PHIP: variants seen among roughly 807,000 people sequenced by gnomAD.
PHIP encodes the protein PHIP subunit of CUL4-Ring ligase complex.
PHIP carries 54 observed loss-of-function variants against 236.8 expected under a neutral mutation model. The ratio of observed to expected loss-of-function variants is 0.23; its 90% CI spans 0.18 to 0.29. The LOEUF is 0.29. PHIP is among the 10% of genes least tolerant of loss of function. PHIP has a pLI of 1.00. For missense variants in PHIP, 1,370 were observed against 2,190.8 expected, an observed-to-expected ratio of 0.63 and a Z score of 7.48; for synonymous variants, 756 against 718.9, an observed-to-expected ratio of 1.05 and a Z score of -0.83.
At chr6:78,991,032 C>A in intron 19 of PHIP, 47 bp from the exon 20 acceptor site, 1 of 1,140,960 alleles carries the variant, frequency 8.8e-7, no homozygotes, top group South Asian at 1.3e-5. Flanking sequence ...TTACACATAA[C>A]TTTCCTCCAA....
chr6:79,074,755 G>A (rs2127782335), intron 4 of PHIP, among the ~76,000 whole-genome samples: 1 of 152,136 alleles, frequency 6.6e-6, no homozygotes, highest in South Asian at 2.1e-4. Flanking sequence ...ATTTTAACCT[G>A]CAAACTTTTA....
intron 39 of PHIP, among the ~76,000 whole-genome samples, chr6:78,943,406 A>G (rs146671906): frequency 1.3e-5 from 2 of 152,310 alleles, no homozygotes; most frequent in African/African-American, 4.8e-5. Flanking sequence ...TTCATCATAT[A>G]TATTTGATTT....
intron 35 of PHIP, among the ~76,000 whole-genome samples, chr6:78,948,094 G>GA (rs1289789998): frequency 6.6e-6 from 1 of 151,994 alleles, no homozygotes; most frequent in Non-Finnish European, 1.5e-5. Context: ...CTCTACAACC[G>GA]AAAGTTTGAA....
At chr6:79,011,128 C>T (rs1464296571) in intron 15 of PHIP, among the ~76,000 whole-genome samples, 1 of 151,790 alleles carries the variant, frequency 6.6e-6, no homozygotes, top group Non-Finnish European at 1.5e-5. Context: ...CTGATGTTTA[C>T]CTCCTGCCAA....
intron 13 of PHIP, among the ~76,000 whole-genome samples, chr6:79,016,174 C>G (rs1369151095): frequency 6.6e-6 from 1 of 151,956 alleles, no homozygotes. Context: ...ATATTAAAAC[C>G]AAAATAACAG....
intron 24 of PHIP, among the ~76,000 whole-genome samples, chr6:78,978,325 G>A (rs962997913): frequency 6.6e-6 from 1 of 151,812 alleles, no homozygotes; most frequent in Non-Finnish European, 1.5e-5. Flanking sequence ...AAGAAAGCTG[G>A]CAATAAAAAC....
chr6:78,979,517 T>G (rs1367576836), intron 23 of PHIP, among the ~76,000 whole-genome samples: 1 of 152,056 alleles, frequency 6.6e-6, no homozygotes, highest in East Asian at 1.9e-4. Context: ...AGCTAATTAT[T>G]TCCATAAGCT....
At chr6:79,013,046 A>T (rs1770667462) in intron 15 of PHIP, among the ~76,000 whole-genome samples, 1 of 151,782 alleles carries the variant, frequency 6.6e-6, no homozygotes, top group Non-Finnish European at 1.5e-5. Context: ...ATTTGAGTAC[A>T]ACCAGAGTCA....
chr6:79,002,201 A>G (rs1770039438), intron 16 of PHIP, 77 bp from the exon 17 acceptor site: 2 of 932,944 alleles, frequency 2.1e-6, no homozygotes, highest in Non-Finnish European at 3.3e-6. Context: ...CATCATTTCT[A>G]ATAGAAAGCA....
chr6:79,060,389 T>G, intron 6 of PHIP, 89 bp downstream of exon 6: 2 of 805,478 alleles, frequency 2.5e-6, no homozygotes, highest in Non-Finnish European at 4.0e-6. Context: ...TATGAAGTTC[T>G]CTAATACCAC....
intron 4 of PHIP, among the ~76,000 whole-genome samples, chr6:79,069,207 A>G (rs1218525283): frequency 2.0e-5 from 3 of 148,424 alleles, no homozygotes; most frequent in African/African-American, 7.3e-5. Context: ...TATACAATAT[A>G]TAAATATAAA....
intron 4 of PHIP, among the ~76,000 whole-genome samples, chr6:79,066,926 G>A (rs1159154215): frequency 2.6e-5 from 4 of 152,018 alleles, no homozygotes; most frequent in Non-Finnish European, 4.4e-5. Flanking sequence ...GGGGGATCTC[G>A]TTCTGTTACC....
At position 78,976,510 on chromosome 6, in the gene PHIP, C is replaced by G. The variant is rs1293472998; in HGVS notation, c.2889+2082G>C. 5.9e-5 allele frequency among the ~76,000 whole-genome samples: 6 copies of G among 102,198 alleles called. No individual in the cohort carries two copies. The Admixed American group carries it at 6.4e-4, about 11-fold the overall frequency. The allele number at this position is 102,198 out of a possible 152,430, so 67.0% of individuals were successfully genotyped here. On this transcript the variant is annotated intron_variant, in intron 24 of 39. Transcript: ENST00000275034. ...ACAACAAAAGCAATGGCAACCAAAG[C>G]CAAAATTGACAAATGGGATCTAATT... is the stretch of plus-strand genomic sequence containing the variant.
chr6:78,959,412 A>T (rs937889994), intron 31 of PHIP, among the ~76,000 whole-genome samples: 2 of 152,160 alleles, frequency 1.3e-5, no homozygotes, highest in African/African-American at 4.8e-5. Flanking sequence ...AGAATCACAG[A>T]TATCTTCAGT....
intron 39 of PHIP, among the ~76,000 whole-genome samples, chr6:78,942,736 C>T (rs1013507595): frequency 6.6e-6 from 1 of 152,108 alleles, no homozygotes; most frequent in Non-Finnish European, 1.5e-5. Context: ...TACAAGGGTT[C>T]TAAATATCCA....
intron 7 of PHIP, among the ~76,000 whole-genome samples, chr6:79,037,692 C>T (rs1297826775): frequency 1.3e-5 from 2 of 152,080 alleles, no homozygotes. Context: ...TCAGTGTAAC[C>T]GAAGTACAGT....
chr6:79,039,411 T>C (rs1413624118), intron 7 of PHIP, among the ~76,000 whole-genome samples: 1 of 151,536 alleles, frequency 6.6e-6, no homozygotes, highest in Non-Finnish European at 1.5e-5. Context: ...CTAGTAAATT[T>C]CCCTTACCAT....
chr6:78,984,957 A>C (rs756642747), intron 22 of PHIP, among the ~76,000 whole-genome samples: 6 of 152,210 alleles, frequency 3.9e-5, no homozygotes, highest in Admixed American at 3.9e-4. Flanking sequence ...AGGCATAACA[A>C]GAAAAAGGAG....
intron 6 of PHIP, among the ~76,000 whole-genome samples, chr6:79,047,330 A>C (rs1772550280): frequency 6.6e-6 from 1 of 152,160 alleles, no homozygotes; most frequent in South Asian, 2.1e-4. Context: ...TTCCCCCATA[A>C]GTCACTTCTT....
Sources: allele counts gnomAD v4.1 joint callset (sites outside exome capture counted in the v4.1 genomes callset), GRCh38; gene constraint gnomAD v4.1.1; transcripts MANE v1.5; gene names NCBI Gene and HGNC (gene_info 2026-07-23, HGNC 2026-07-21).